Variants in LRP1B observed in about 807,000 individuals in gnomAD.
LRP1B encodes low-density lipoprotein receptor-related protein 1B.
In LRP1B, 217 loss-of-function variants were observed where a neutral mutation model predicts 556.6. The observed-to-expected ratio is 0.39, with a 90% CI of 0.35 to 0.44. The LOEUF is 0.44. Ranked by LOEUF, LRP1B falls within the 20% of genes least tolerant of loss-of-function variation. The pLI, the probability that LRP1B is intolerant of heterozygous loss-of-function variation, is 1.00. For missense variants in LRP1B, 5,053 were observed against 5,620.8 expected (o/e 0.90, Z 3.23); for synonymous variants, 2,047 against 1,865.8 (o/e 1.10, Z -2.50).
intron 17 of LRP1B, among the ~76,000 whole-genome samples, chr2:140,985,037 T>C (rs2105347111): frequency 6.6e-6 from 1 of 152,202 alleles, no homozygotes; most frequent in African/African-American, 2.4e-5. Context: ...AGCAGCCCCA[T>C]AGGACTCTAA....
intron 2 of LRP1B, among the ~76,000 whole-genome samples, chr2:141,657,306 C>A (rs1003284577): frequency 6.6e-6 from 1 of 152,042 alleles, no homozygotes; most frequent in African/African-American, 2.4e-5. Flanking sequence ...ATTCATAATT[C>A]ATTTTCTAAT....
chr2:141,388,682 TA>T (rs1054867821), intron 3 of LRP1B, among the ~76,000 whole-genome samples: 98 of 152,100 alleles, frequency 6.4e-4, no homozygotes, highest in African/African-American at 2.3e-3. Context: ...TAGTAGGAAA[TA>T]AAAGCCCTCA....
At chr2:140,956,319 A>G (rs893021387) in intron 18 of LRP1B, among the ~76,000 whole-genome samples, 10 of 151,752 alleles carry the variant, frequency 6.6e-5, no homozygotes, top group Admixed American at 6.6e-5. Flanking sequence ...GCCAAAATAC[A>G]TTATTTTTTT....
chr2:141,809,267 A>T (rs1351689542), intron 2 of LRP1B, among the ~76,000 whole-genome samples: 1 of 152,168 alleles, frequency 6.6e-6, no homozygotes, highest in Non-Finnish European at 1.5e-5. Context: ...TTTGCCTCTA[A>T]CAGCAAGGTT....
chr2:141,167,028 G>T (rs774266581), intron 7 of LRP1B, among the ~76,000 whole-genome samples: 1 of 151,746 alleles, frequency 6.6e-6, no homozygotes, highest in African/African-American at 2.4e-5. Context: ...GTTGAAACAC[G>T]TTTACTTAGG....
At chr2:140,247,224 A>G in intron 86 of LRP1B, 62 bp from the exon 87 acceptor site, 1 of 1,165,962 alleles carries the variant, frequency 8.6e-7, no homozygotes, top group Non-Finnish European at 1.3e-6. Context: ...GAAGTCAGCT[A>G]ATGTAGTAAC....
At chr2:141,417,946 T>C (rs1247920152) in intron 3 of LRP1B, among the ~76,000 whole-genome samples, 1 of 152,124 alleles carries the variant, frequency 6.6e-6, no homozygotes, top group Admixed American at 6.6e-5. Context: ...TAATACATCA[T>C]TGTGGTTTTG....
chr2:141,344,969 A>G (rs1688192675), intron 3 of LRP1B, among the ~76,000 whole-genome samples: 1 of 152,184 alleles, frequency 6.6e-6, no homozygotes. Flanking sequence ...ACATTGCTAA[A>G]TAGCTGACAT....
At chr2:141,940,134 C>T (rs370042120) in intron 1 of LRP1B, among the ~76,000 whole-genome samples, 3 of 152,062 alleles carry the variant, frequency 2.0e-5, no homozygotes, top group African/African-American at 7.2e-5. Flanking sequence ...TGATTAGTGA[C>T]AGAGTAAGAG....
chr2:140,900,481 G>A (rs1038819048), intron 23 of LRP1B, among the ~76,000 whole-genome samples: 1 of 152,142 alleles, frequency 6.6e-6, no homozygotes, highest in Non-Finnish European at 1.5e-5. Context: ...TAGAATAAAT[G>A]TCTGCTAAAC....
intron 2 of LRP1B, among the ~76,000 whole-genome samples, chr2:141,694,831 G>T (rs1205080635): frequency 6.6e-6 from 1 of 151,974 alleles, no homozygotes; most frequent in Non-Finnish European, 1.5e-5. Context: ...TCCAGCAGAT[G>T]ATTACATTCC....
At position 141,772,358 on chromosome 2, in the gene LRP1B, A is replaced by T. The variant is rs184581937; in HGVS notation, c.205+37921T>A. Among the ~76,000 whole-genome samples the T allele has an allele frequency of 1.2e-3, 179 of 152,334 alleles. 1 individual carries two copies. The highest frequency in any genetic ancestry group is 0.011 in the Admixed American group (164 of 15,296). On this transcript the variant is annotated intron_variant, in intron 2 of 90. Transcript: ENST00000389484. Reference sequence around the variant, plus strand: ...TCTCCACCAAAACAAATATACTTTCACCAACTTGTGTCTCAGAATATACAA... The same window carrying T: ...TCTCCACCAAAACAAATATACTTTCTCCAACTTGTGTCTCAGAATATACAA...
chr2:140,479,222 T>C (rs1688114947), intron 59 of LRP1B, among the ~76,000 whole-genome samples: 1 of 152,120 alleles, frequency 6.6e-6, no homozygotes, highest in Non-Finnish European at 1.5e-5. Context: ...GCTATACTTT[T>C]TTTTTCTTCA....
intron 2 of LRP1B, among the ~76,000 whole-genome samples, chr2:141,482,044 T>C (rs1471537665): frequency 6.6e-6 from 1 of 152,048 alleles, no homozygotes; most frequent in Non-Finnish European, 1.5e-5. Context: ...GGTAAAATAA[T>C]AATAATAATT....
At chr2:141,519,042 T>C (rs202200368) in intron 2 of LRP1B, among the ~76,000 whole-genome samples, 1 of 55,528 alleles carries the variant, frequency 1.8e-5, no homozygotes, top group Non-Finnish European at 4.3e-5. Context: ...CTTGAGAAAA[T>C]CGCTTTAACT....
At chr2:141,234,073 T>C (rs917440013) in intron 5 of LRP1B, among the ~76,000 whole-genome samples, 1 of 152,050 alleles carries the variant, frequency 6.6e-6, no homozygotes, top group African/African-American at 2.4e-5. Context: ...GTACATAAAA[T>C]GGAGAGTCAG....
intron 83 of LRP1B, among the ~76,000 whole-genome samples, chr2:140,314,395 TTAA>T (rs551996174): frequency 7.9e-5 from 12 of 152,174 alleles, no homozygotes; most frequent in African/African-American, 2.6e-4. Flanking sequence ...ATTGCATAAA[TTAA>T]TAATAATCTC....
At chr2:140,473,386 A>G (rs774437290) in intron 60 of LRP1B, among the ~76,000 whole-genome samples, 1 of 151,798 alleles carries the variant, frequency 6.6e-6, no homozygotes, top group African/African-American at 2.4e-5. Flanking sequence ...ATACTAGACT[A>G]TCTTTCAGCC....
At chr2:140,821,760 C>T (rs921394267) in intron 31 of LRP1B, among the ~76,000 whole-genome samples, 3 of 152,200 alleles carry the variant, frequency 2.0e-5, no homozygotes, top group Admixed American at 6.5e-5. Context: ...GGAGGCCGGG[C>T]GCCATGGCTC....
Sources: gnomAD v4.1 joint callset for allele counts (sites outside exome capture counted in the v4.1 genomes callset) on GRCh38, gnomAD v4.1.1 for gene constraint, MANE v1.5 for transcripts, NCBI Gene and HGNC (gene_info 2026-07-23, HGNC 2026-07-21) for gene names.